TTC17: variants seen among roughly 807,000 people sequenced by gnomAD.
TTC17 encodes tetratricopeptide repeat domain 17.
TTC17 carries 58 observed loss-of-function variants against 143.8 expected under a neutral mutation model. The observed-to-expected ratio is 0.40, with a 90% CI of 0.33 to 0.50. The LOEUF is 0.50. TTC17 is among the 20% of genes least tolerant of loss of function. The probability of loss-of-function intolerance (pLI) is 0.49; values close to 1 mark genes in which losing one functional copy is unlikely to be tolerated. For synonymous variants in TTC17, 501 were observed against 497.8 expected (o/e 1.01, Z -0.09); for missense variants, 1,273 against 1,392.5 (o/e 0.91, Z 1.37).
intron 15 of TTC17, among the ~76,000 whole-genome samples, chr11:43,412,415 GAGTTCC>G (rs1484755217): frequency 6.6e-6 from 1 of 152,108 alleles, no homozygotes; most frequent in Non-Finnish European, 1.5e-5. Context: ...TTGAGCCCAG[GAGTTCC>G]AGACCAGCCT....
chr11:43,375,070 G>C (rs1856712455), intron 1 of TTC17, among the ~76,000 whole-genome samples: 2 of 152,204 alleles, frequency 1.3e-5, no homozygotes, highest in South Asian at 2.1e-4. Flanking sequence ...GATACAGTTT[G>C]ATTCAGGACT....
chr11:43,463,618 T>C (rs913323745), intron 21 of TTC17, among the ~76,000 whole-genome samples: 1 of 152,148 alleles, frequency 6.6e-6, no homozygotes, highest in Non-Finnish European at 1.5e-5. Context: ...CAGCATCATA[T>C]AATATCAGTT....
intron 21 of TTC17, among the ~76,000 whole-genome samples, chr11:43,485,800 A>G (rs1482897985): frequency 6.6e-6 from 1 of 151,998 alleles, no homozygotes; most frequent in African/African-American, 2.4e-5. Context: ...ACATGGATCA[A>G]GAGGTCCTTT....
intron 17 of TTC17, 96 bp from the exon 18 acceptor site, chr11:43,443,960 A>G: frequency 7.2e-7 from 1 of 1,381,230 alleles, no homozygotes. Flanking sequence ...ACTTAACCTG[A>G]GCACAGTACT....
chr11:43,474,635 A>G (rs777523632), intron 21 of TTC17, among the ~76,000 whole-genome samples: 1 of 152,200 alleles, frequency 6.6e-6, no homozygotes, highest in Non-Finnish European at 1.5e-5. Flanking sequence ...ACTTTAAAAC[A>G]CAATTACAGT....
intron 15 of TTC17, among the ~76,000 whole-genome samples, chr11:43,411,570 G>A (rs564656289): frequency 6.6e-6 from 1 of 152,082 alleles, no homozygotes; most frequent in Non-Finnish European, 1.5e-5. Context: ...TATCCTCAAT[G>A]TTCAAAACTA....
chr11:43,423,030 A>T (rs572553642), intron 16 of TTC17, among the ~76,000 whole-genome samples: 2 of 152,326 alleles, frequency 1.3e-5, no homozygotes, highest in South Asian at 4.1e-4. Context: ...GAGGGGATGA[A>T]ATCTAAGGCA....
At chr11:43,449,810 T>A in intron 19 of TTC17, 1 of 378,692 alleles carries the variant, frequency 2.6e-6, no homozygotes, top group East Asian at 5.4e-5. Context: ...TGTCTAAGCT[T>A]TAGGTAACTT....
intron 16 of TTC17, among the ~76,000 whole-genome samples, chr11:43,422,613 A>T (rs1247493145): frequency 6.6e-6 from 1 of 152,208 alleles, no homozygotes; most frequent in Non-Finnish European, 1.5e-5. Context: ...GAAGTATTTT[A>T]TCCCACAAGC....
At chr11:43,424,342 C>T (rs1210395770) in intron 16 of TTC17, among the ~76,000 whole-genome samples, 1 of 151,864 alleles carries the variant, frequency 6.6e-6, no homozygotes, top group Non-Finnish European at 1.5e-5. Flanking sequence ...GATCCACCTG[C>T]CTCAGCCTTC....
chr11:43,464,397 A>T (rs1222931021), intron 21 of TTC17, among the ~76,000 whole-genome samples: 1 of 152,214 alleles, frequency 6.6e-6, no homozygotes, highest in Admixed American at 6.5e-5. Context: ...AATAAAATGC[A>T]TGGGAATTTC....
intron 21 of TTC17, among the ~76,000 whole-genome samples, chr11:43,460,750 G>A (rs891549425): frequency 6.6e-5 from 10 of 152,186 alleles, no homozygotes; most frequent in Non-Finnish European, 1.3e-4. Flanking sequence ...TTACTCAAAT[G>A]TCTGGGGCCT....
At position 43,380,302 on chromosome 11, in the gene TTC17, C is replaced by T. The variant is rs114168824; in HGVS notation, c.249+980C>T. 4.4e-3 allele frequency among the ~76,000 whole-genome samples: 669 copies of T among 152,108 alleles called. 5 individuals carry two copies. Among genetic ancestry groups the T allele is most frequent in the African/African-American group, 0.016 (644 of 41,476 alleles). Reference sequence around the variant, plus strand: ...CGAAGTCTCACTCTTGTCGGCCAGGCTGCAGTGCAGTGGCATGATCTTGGC... The same window carrying T: ...CGAAGTCTCACTCTTGTCGGCCAGGTTGCAGTGCAGTGGCATGATCTTGGC... On this transcript the variant is annotated intron_variant, in intron 2 of 23. Coordinates refer to ENST00000039989, the MANE Select transcript of TTC17 (RefSeq NM_018259.6).
intron 4 of TTC17, 46 bp from the exon 5 acceptor site, chr11:43,391,774 CT>C: frequency 1.3e-6 from 2 of 1,591,200 alleles, no homozygotes; most frequent in South Asian, 2.3e-5. Context: ...TATTTGTCAT[CT>C]TTTATATCCT....
intron 1 of TTC17, among the ~76,000 whole-genome samples, chr11:43,375,004 A>G (rs1196797900): frequency 2.0e-5 from 3 of 152,196 alleles, no homozygotes; most frequent in Non-Finnish European, 4.4e-5. Flanking sequence ...ACACATCAAT[A>G]CTTTCTGTAT....
rs144655441 is a variant in TTC17 at position 43,383,233 on chromosome 11, G to GGA, written c.249+3925_249+3926dup. On this transcript the variant is annotated intron_variant, in intron 2 of 23. Coordinates refer to ENST00000039989, the MANE Select transcript of TTC17 (RefSeq NM_018259.6). ...AACAAATAAATTACAAGGGAGTGGGGGAGAGAGAGAGAGAGTGGTATCCAG... is the reference window on the plus strand; with the variant it reads ...AACAAATAAATTACAAGGGAGTGGGGGAGAGAGAGAGAGAGAGTGGTATCCAG... Among the ~76,000 whole-genome samples the GGA allele has an allele frequency of 5.4e-3, 815 of 151,560 alleles. 7 individuals carry two copies. Among genetic ancestry groups the GGA allele is most frequent in the Middle Eastern group, 0.01 (3 of 290 alleles).
At chr11:43,394,618 G>A (rs1225733182) in intron 5 of TTC17, among the ~76,000 whole-genome samples, 1 of 152,150 alleles carries the variant, frequency 6.6e-6, no homozygotes, top group Non-Finnish European at 1.5e-5. Flanking sequence ...AAGGAAGAGA[G>A]GGTTGGGGTG....
intron 21 of TTC17, among the ~76,000 whole-genome samples, chr11:43,480,278 C>T (rs996447502): frequency 6.6e-6 from 1 of 152,106 alleles, no homozygotes; most frequent in Admixed American, 6.6e-5. Flanking sequence ...TGAAAAACAA[C>T]TCAAAAGATC....
At chr11:43,389,548 A>AT (rs1857298488) in intron 2 of TTC17, 104 bp from the exon 3 acceptor site, 1 of 1,183,574 alleles carries the variant, frequency 8.4e-7, no homozygotes, top group Non-Finnish European at 1.2e-6. Context: ...GTCTTCCTAC[A>AT]TAGAGGATTC....
Sources: allele counts gnomAD v4.1 joint callset (sites outside exome capture counted in the v4.1 genomes callset), GRCh38; gene constraint gnomAD v4.1.1; transcripts MANE v1.5; gene names NCBI Gene and HGNC (gene_info 2026-07-23, HGNC 2026-07-21).